The following KHDRBS2 variants were observed in gnomAD, a reference collection of about 807,000 sequenced individuals.
The protein encoded by KHDRBS2 is KH domain-containing, RNA-binding, signal transduction-associated protein 2.
In KHDRBS2, 26 loss-of-function variants were observed where a neutral mutation model predicts 44.3. The observed-to-expected ratio is 0.59, with a 90% CI of 0.43 to 0.81. The LOEUF is 0.81. KHDRBS2 is among the 40% of genes least tolerant of loss of function. The pLI, the probability that KHDRBS2 is intolerant of heterozygous loss-of-function variation, is 0.00. For synonymous variants in KHDRBS2, 194 were observed against 151.1 expected, an observed-to-expected ratio of 1.28 and a Z score of -2.08; for missense variants, 476 against 433.1, an observed-to-expected ratio of 1.10 and a Z score of -0.88.
intron 1 of KHDRBS2, among the ~76,000 whole-genome samples, chr6:62,223,484 G>T (rs576392514): frequency 1.3e-5 from 2 of 152,254 alleles, no homozygotes; most frequent in Admixed American, 1.3e-4. Flanking sequence ...ATTGTCTTGG[G>T]GATTAACATT....
the KHDRBS2 span, among the ~76,000 whole-genome samples, chr6:61,563,746 G>T: frequency 1.3e-5 from 2 of 152,038 alleles, no homozygotes; most frequent in African/African-American, 2.4e-5. Context: ...ATATTCTAAA[G>T]ATATTATTGT....
chr6:62,135,714 CAT>C (rs1392185245), intron 2 of KHDRBS2, among the ~76,000 whole-genome samples: 1 of 151,956 alleles, frequency 6.6e-6, no homozygotes, highest in African/African-American at 2.4e-5. Flanking sequence ...CACACACACA[CAT>C]ACAATGGAAC....
chr6:61,875,035 C>T (rs1799216443), intron 6 of KHDRBS2, among the ~76,000 whole-genome samples: 1 of 152,098 alleles, frequency 6.6e-6, no homozygotes, highest in Admixed American at 6.6e-5. Flanking sequence ...AAGTATGTAA[C>T]TACTACATTA....
intron 2 of KHDRBS2, among the ~76,000 whole-genome samples, chr6:62,121,435 T>G (rs1807611563): frequency 6.6e-6 from 1 of 152,190 alleles, no homozygotes; most frequent in South Asian, 2.1e-4. Flanking sequence ...GACAGTACAT[T>G]ATAACAAGCT....
At chr6:61,882,506 G>T (rs1409008010) in intron 6 of KHDRBS2, among the ~76,000 whole-genome samples, 1 of 151,966 alleles carries the variant, frequency 6.6e-6, no homozygotes, top group Non-Finnish European at 1.5e-5. Context: ...ATAAACGAGG[G>T]TCCTTTCTGT....
chr6:61,802,336 C>G (rs188193223), intron 6 of KHDRBS2, among the ~76,000 whole-genome samples: 2 of 152,172 alleles, frequency 1.3e-5, no homozygotes, highest in Admixed American at 6.5e-5. Flanking sequence ...GGTAATTTGG[C>G]ATGCAACAAT....
chr6:61,564,675 G>A, the KHDRBS2 span, among the ~76,000 whole-genome samples: 9 of 152,168 alleles, frequency 5.9e-5, no homozygotes, highest in East Asian at 1.5e-3. Context: ...ATTTATTAAG[G>A]ACAGGGAGGC....
At chr6:61,600,683 C>T in the KHDRBS2 span, among the ~76,000 whole-genome samples, 14 of 152,194 alleles carry the variant, frequency 9.2e-5, no homozygotes, top group South Asian at 2.7e-3. Flanking sequence ...AGGAGATCAG[C>T]CCCCTGCCCT....
At chr6:62,069,554 T>G (rs996432886) in intron 2 of KHDRBS2, among the ~76,000 whole-genome samples, 1 of 151,786 alleles carries the variant, frequency 6.6e-6, no homozygotes, top group Admixed American at 6.6e-5. Context: ...TCAAGGTTTA[T>G]GATACTACAT....
chr6:61,893,264 G>A (rs1204787269), intron 6 of KHDRBS2, among the ~76,000 whole-genome samples: 1 of 152,164 alleles, frequency 6.6e-6, no homozygotes, highest in African/African-American at 2.4e-5. Context: ...TGCTGGAGAG[G>A]ATGTGGAGAA....
intron 4 of KHDRBS2, among the ~76,000 whole-genome samples, chr6:61,916,074 C>T (rs16900602): frequency 0.088 from 13,304 of 152,022 alleles, 600 homozygotes; most frequent in Middle Eastern, 0.15. Context: ...TTGATTTCCA[C>T]AGGTTTCCGA....
intron 2 of KHDRBS2, among the ~76,000 whole-genome samples, chr6:62,081,117 T>G (rs1433348604): frequency 2.0e-5 from 3 of 152,166 alleles, no homozygotes; most frequent in Non-Finnish European, 4.4e-5. Flanking sequence ...GCATTCTGAA[T>G]ATATCTAGGA....
At chr6:61,636,840 C>T in the KHDRBS2 span, among the ~76,000 whole-genome samples, 1 of 152,022 alleles carries the variant, frequency 6.6e-6, no homozygotes, top group Non-Finnish European at 1.5e-5. Context: ...CTTTGAAATA[C>T]TAGGACCACA....
chr6:61,998,545 C>T (rs146926146), intron 3 of KHDRBS2, among the ~76,000 whole-genome samples: 12 of 152,214 alleles, frequency 7.9e-5, no homozygotes, highest in Admixed American at 5.9e-4. Context: ...ATGGAAAACA[C>T]GTTTTCTTCT....
At chr6:62,022,793 A>G (rs1782588667) in intron 3 of KHDRBS2, among the ~76,000 whole-genome samples, 1 of 151,838 alleles carries the variant, frequency 6.6e-6, no homozygotes, top group South Asian at 2.1e-4. Flanking sequence ...TGTGCGTAGT[A>G]TATATTTTTC....
At chr6:61,853,002 C>A (rs1373955289) in intron 6 of KHDRBS2, among the ~76,000 whole-genome samples, 2 of 152,198 alleles carry the variant, frequency 1.3e-5, no homozygotes, top group Non-Finnish European at 1.5e-5. Context: ...TCCATCTTCA[C>A]ACAACCACAC....
intron 6 of KHDRBS2, among the ~76,000 whole-genome samples, chr6:61,774,480 C>A (rs1040819571): frequency 2.0e-5 from 3 of 152,114 alleles, no homozygotes; most frequent in African/African-American, 7.2e-5. Context: ...ACAAAAATCA[C>A]AAGCATTCTT....
At chr6:62,242,529 G>C (rs773494023) in intron 1 of KHDRBS2, among the ~76,000 whole-genome samples, 12 of 151,792 alleles carry the variant, frequency 7.9e-5, no homozygotes, top group Non-Finnish European at 1.8e-4. Flanking sequence ...ATGCCCCCTG[G>C]GAGTAATATT....
chr6:62,071,773 G>A (rs550829944), intron 2 of KHDRBS2, among the ~76,000 whole-genome samples: 23 of 152,276 alleles, frequency 1.5e-4, no homozygotes, highest in East Asian at 1.9e-4. Flanking sequence ...GTCAGGTAGC[G>A]TGATGCCTCC....
Sources: allele counts gnomAD v4.1 joint callset (sites outside exome capture counted in the v4.1 genomes callset), GRCh38; gene constraint gnomAD v4.1.1; transcripts MANE v1.5; gene names NCBI Gene and HGNC (gene_info 2026-07-23, HGNC 2026-07-21).